Variants in RPTOR observed in about 807,000 individuals in gnomAD.
RPTOR encodes regulatory associated protein of MTOR complex 1, also known as regulatory-associated protein of mTOR.
A neutral mutation model predicts 169.9 loss-of-function variants in RPTOR; 21 were observed. That is an observed-to-expected ratio of 0.12 (90% CI 0.09 to 0.18). The LOEUF (loss-of-function observed/expected upper bound fraction) is 0.18, where lower values mean the gene tolerates loss of function less well. Among genes scored for constraint, RPTOR ranks in the 10% least tolerant of loss-of-function variants. RPTOR has a pLI of 1.00. For synonymous variants in RPTOR, 732 were observed against 753.2 expected (o/e 0.97, Z 0.46); for missense variants, 1,133 against 1,855.9 (o/e 0.61, Z 7.16).
At chr17:80,672,901 G>C (rs1028353055) in intron 3 of RPTOR, among the ~76,000 whole-genome samples, 3 of 152,160 alleles carry the variant, frequency 2.0e-5, no homozygotes, top group African/African-American at 7.2e-5. Context: ...GGTTCTAGGA[G>C]TTTAACTGTG....
chr17:80,766,959 G>T (rs965121164), intron 6 of RPTOR, among the ~76,000 whole-genome samples: 2 of 152,154 alleles, frequency 1.3e-5, no homozygotes, highest in Non-Finnish European at 2.9e-5. Flanking sequence ...GATAGTTTTT[G>T]AAAGGTTCAT....
At chr17:80,893,933 A>G (rs3751943) in intron 20 of RPTOR, 68 bp downstream of exon 20, 383,075 of 1,415,616 alleles carry the variant, frequency 0.27, 59,460 homozygotes, top group African/African-American at 0.67. Flanking sequence ...AGAGCAGCAC[A>G]GACCTGTGTC....
Position 80,730,332 on chromosome 17 carries a change from C to A in RPTOR, c.508-228C>A, listed in dbSNP as rs947650724. ...TGTTGGCCAGGCTGGTCTTGAACTC[C>A]TGACCTCAGGTGATCCACCCATCTC... On this transcript the variant is annotated intron_variant, in intron 4 of 33. Coordinates refer to ENST00000306801, the MANE Select transcript of RPTOR (RefSeq NM_020761.3). The surrounding 1 kb of genome is among the most constrained non-coding windows in gnomAD (Gnocchi z 4.2). 2.6e-5 allele frequency among the ~76,000 whole-genome samples: 4 copies of A among 152,062 alleles called. No individual in the cohort carries two copies. Among genetic ancestry groups the A allele is most frequent in the Admixed American group, 2.0e-4 (3 of 15,274 alleles).
chr17:80,784,389 C>T (rs968221204), intron 6 of RPTOR, among the ~76,000 whole-genome samples: 7 of 151,964 alleles, frequency 4.6e-5, no homozygotes, highest in African/African-American at 1.5e-4. Context: ...GGCTTATTTT[C>T]CTTTTTCTTT....
intron 1 of RPTOR, among the ~76,000 whole-genome samples, chr17:80,551,049 G>A (rs1319162399): frequency 9.2e-5 from 14 of 152,016 alleles, no homozygotes; most frequent in African/African-American, 2.2e-4. Context: ...CACCATGCCC[G>A]GCTGATTTTT....
chr17:80,603,426 G>A (rs1599593807), intron 1 of RPTOR, among the ~76,000 whole-genome samples: 1 of 152,314 alleles, frequency 6.6e-6, no homozygotes, highest in Admixed American at 6.5e-5. Flanking sequence ...TGCGCGCTTT[G>A]CAAGAAGCTC....
At chr17:80,668,484 C>T (rs1010941668) in intron 3 of RPTOR, among the ~76,000 whole-genome samples, 25 of 152,176 alleles carry the variant, frequency 1.6e-4, no homozygotes, top group Non-Finnish European at 2.6e-4. Flanking sequence ...CTCCCAGAGT[C>T]GGCCATGGCC....
At chr17:80,864,099 CA>C (rs1238372342) in intron 13 of RPTOR, among the ~76,000 whole-genome samples, 1 of 152,204 alleles carries the variant, frequency 6.6e-6, no homozygotes, top group African/African-American at 2.4e-5. Flanking sequence ...CAATAGCTAA[CA>C]TTTTTTTGAA....
intron 10 of RPTOR, among the ~76,000 whole-genome samples, chr17:80,841,178 G>A (rs1343519628): frequency 0.16 from 6,980 of 43,548 alleles, 167 homozygotes; most frequent in Non-Finnish European, 0.22. Flanking sequence ...CTCACCGCAC[G>A]GCAGCTCACA....
intron 6 of RPTOR, among the ~76,000 whole-genome samples, chr17:80,767,282 G>T (rs1237382789): frequency 6.6e-6 from 1 of 152,128 alleles, no homozygotes; most frequent in African/African-American, 2.4e-5. Flanking sequence ...GAGGTGGGAG[G>T]ATCACTGGGA....
chr17:80,736,237 C>T (rs1205722455), intron 5 of RPTOR, among the ~76,000 whole-genome samples: 1 of 152,100 alleles, frequency 6.6e-6, no homozygotes, highest in African/African-American at 2.4e-5. Flanking sequence ...TTCCCCCGCA[C>T]TCTGCAAGGC....
At chr17:80,855,408 C>T (rs2067841167) in intron 11 of RPTOR, 56 bp from the exon 12 acceptor site, 7 of 1,325,464 alleles carry the variant, frequency 5.3e-6, no homozygotes, top group South Asian at 2.3e-5. Flanking sequence ...AGCAGCGTTT[C>T]GGGGTTGCAC....
At chr17:80,753,360 C>T (rs919434647) in intron 5 of RPTOR, among the ~76,000 whole-genome samples, 2 of 138,858 alleles carry the variant, frequency 1.4e-5, no homozygotes, top group Admixed American at 7.2e-5. Flanking sequence ...TTAGGCCGGG[C>T]GCGGTGGCTC....
intron 29 of RPTOR, among the ~76,000 whole-genome samples, chr17:80,958,555 C>T (rs140131868): frequency 0.021 from 3,226 of 151,700 alleles, 61 homozygotes; most frequent in Non-Finnish European, 0.033. Flanking sequence ...GGACTACAAG[C>T]GCCCACCACC....
At chr17:80,802,190 C>T (rs1054178068) in intron 7 of RPTOR, 1 of 152,228 alleles carries the variant, frequency 6.6e-6, no homozygotes, top group African/African-American at 2.4e-5. Flanking sequence ...CAGTGGTACC[C>T]AAACCCTGGT....
At position 80,855,303 on chromosome 17, in the gene RPTOR, T is replaced by A. The variant is rs149995365; in HGVS notation, c.1315-161T>A. Among the ~76,000 whole-genome samples, 28 of 152,378 alleles carry A rather than the reference T, an allele frequency of 1.8e-4. No individual in the cohort carries two copies. The East Asian group carries it at 4.6e-3, about 25-fold the overall frequency. On this transcript the variant is annotated intron_variant, in intron 11 of 33. Transcript: ENST00000306801. Reference sequence around the variant, plus strand: ...TGTTTTCTTCACCTGTCTAAAAGCATGAACTTGTAAGGAAAGGAGCACCAG... The same window carrying A: ...TGTTTTCTTCACCTGTCTAAAAGCAAGAACTTGTAAGGAAAGGAGCACCAG...
Position 80,936,728 on chromosome 17 carries a change from A to G in RPTOR, c.2920-3768A>G, listed in dbSNP as rs981705396. Among the ~76,000 whole-genome samples, 1 of 152,248 alleles carries G rather than the reference A, an allele frequency of 6.6e-6. No homozygotes were observed. Among genetic ancestry groups the G allele is most frequent in the Non-Finnish European group, 1.5e-5 (1 of 68,044 alleles). ...GGGCGAAATTCACTGTACGTAAGTT[A>G]CATCTTCATCAACCTCATGTTGCGG... On this transcript the variant is annotated intron_variant, in intron 24 of 33. Coordinates refer to ENST00000306801, the MANE Select transcript of RPTOR (RefSeq NM_020761.3). This position sits in a 1 kb window ranked among gnomAD's most constrained non-coding sequence, Gnocchi z 4.1.
At chr17:80,557,833 G>A (rs1460475564) in intron 1 of RPTOR, among the ~76,000 whole-genome samples, 8 of 148,770 alleles carry the variant, frequency 5.4e-5, no homozygotes, top group African/African-American at 1.7e-4. Flanking sequence ...GGCTGAGGCA[G>A]GAGAATCACT....
chr17:80,794,342 T>C (rs778478137), intron 7 of RPTOR, among the ~76,000 whole-genome samples: 6 of 152,208 alleles, frequency 3.9e-5, no homozygotes, highest in Non-Finnish European at 8.8e-5. Flanking sequence ...GAAAAGATCC[T>C]GGAAATCATT....
Sources: gnomAD v4.1 joint callset for allele counts (sites outside exome capture counted in the v4.1 genomes callset) on GRCh38, gnomAD v4.1.1 for gene constraint, Gnocchi (gnomAD v3.1) non-coding constraint, MANE v1.5 for transcripts, NCBI Gene and HGNC (gene_info 2026-07-23, HGNC 2026-07-21) for gene names.